Variants in AAK1 observed in about 807,000 individuals in gnomAD.
The protein encoded by AAK1 is AP2 associated kinase 1, also known as AP2-associated protein kinase 1.
AAK1 carries 37 observed loss-of-function variants against 116.0 expected under a neutral mutation model. The ratio of observed to expected loss-of-function variants is 0.32; its 90% confidence interval spans 0.25 to 0.42. The LOEUF is 0.42. Among genes scored for constraint, AAK1 ranks in the 10% least tolerant of loss-of-function variants. The pLI, the probability that AAK1 is intolerant of heterozygous loss-of-function variation, is 1.00. For missense variants in AAK1, 919 were observed against 1,170.6 expected (o/e 0.79, Z 3.14); for synonymous variants, 458 against 439.9 (o/e 1.04, Z -0.51).
Position 69,466,638 on chromosome 2 carries a change from T to G in AAK1, c.*9231A>C. The G allele has an allele frequency of 9.1e-7, 1 of 1,094,014 alleles. No individual in the cohort carries two copies. Among genetic ancestry groups the G allele is most frequent in the Non-Finnish European group, 1.1e-6 (1 of 891,808 alleles). The allele number at this position is 1,094,014 out of a possible 1,614,324, so 67.8% of individuals were successfully genotyped here. A position where few individuals can be genotyped will look rare whatever the true frequency, so the allele number is the denominator to read the frequency against. ...AATGGTCAACCCGCGGCAAAAACAT[T>G]GTGGGACCAAATAATAGATGTTGAA... On this transcript the variant is annotated 3_prime_UTR_variant, in exon 22 of 22. Coordinates refer to ENST00000409085, the MANE Select transcript of AAK1 (RefSeq NM_014911.5).
chr2:69,468,507 T>G lies in AAK1; in HGVS notation c.*7362A>C, dbSNP rs577258001. ...AAAACTACCTTGAAAGTTGATGTTA[T>G]TAAGCTTGTTCTGCAGGAGAGCAAA... On this transcript the variant is annotated 3_prime_UTR_variant, in exon 22 of 22. Coordinates refer to ENST00000409085, the MANE Select transcript of AAK1 (RefSeq NM_014911.5). The G allele has an allele frequency of 1.6e-4, 159 of 985,420 alleles. No individual in the cohort carries two copies. The South Asian group carries it at 6.7e-3, about 42-fold the overall frequency. 61.0% of individuals were successfully genotyped at this position (985,420 alleles called of 1,614,324 possible). A position where few individuals can be genotyped will look rare whatever the true frequency, so the allele number is the denominator to read the frequency against.
In AAK1 at chr2:69,462,357, T is replaced by C. The variant is rs972193756; in HGVS notation, c.*13512A>G. On this transcript the variant is annotated 3_prime_UTR_variant, in exon 22 of 22. Transcript: ENST00000409085. Reference sequence around the variant, plus strand: ...ACATTGTGCACATGTACCCTAAAACTTAAAGTATAATAATAATTTAAAAAA... The same window carrying C: ...ACATTGTGCACATGTACCCTAAAACCTAAAGTATAATAATAATTTAAAAAA... The C allele has an allele frequency of 1.3e-5, 2 of 151,348 alleles. No individual in the cohort carries two copies. The highest frequency in any genetic ancestry group is 4.9e-5 in the African/African-American group (2 of 41,088). The allele number at this position is 151,348 out of a possible 1,614,324, so 9.4% of individuals were successfully genotyped here.
intron 14 of AAK1, among the ~76,000 whole-genome samples, chr2:69,508,158 C>T (rs1676260807): frequency 6.6e-6 from 1 of 152,200 alleles, no homozygotes; most frequent in Non-Finnish European, 1.5e-5. Flanking sequence ...GTCTTATCTG[C>T]AAGTTGTTTC....
At chr2:69,583,914 C>A (rs1672650542) in intron 2 of AAK1, among the ~76,000 whole-genome samples, 1 of 152,188 alleles carries the variant, frequency 6.6e-6, no homozygotes, top group Admixed American at 6.5e-5. Flanking sequence ...TCACTCTTTC[C>A]CCTGAATGGA....
chr2:69,634,825 GTA>G (rs145586747), intron 2 of AAK1, among the ~76,000 whole-genome samples: 4,368 of 152,218 alleles, frequency 0.029, 203 homozygotes, highest in African/African-American at 0.1. Flanking sequence ...TTTTCTCTTA[GTA>G]AAGTTAAAGT....
At chr2:69,563,114 G>A (rs779118470) in intron 2 of AAK1, among the ~76,000 whole-genome samples, 25 of 152,122 alleles carry the variant, frequency 1.6e-4, no homozygotes, top group Non-Finnish European at 2.6e-4. Flanking sequence ...CCTTGGGGGC[G>A]TCACCATGAT....
chr2:69,642,934 C>G lies in AAK1; in HGVS notation c.107G>C (p.Gly36Ala), dbSNP rs764268391. The part of the protein sequence containing the change: ...STSGLGSGYI[G>A]RVFGIGRQQV... ...CTGTCGCCCGATGCCGAAGACTCTTCCGATGTAGCCACTGCCCAGGCCCGA... is the reference window on the plus strand; with the variant it reads ...CTGTCGCCCGATGCCGAAGACTCTTGCGATGTAGCCACTGCCCAGGCCCGA... Residue 36 changes from glycine to alanine, a missense_variant, in exon 2 of 22, where the codon GGA (glycine) becomes GCA (alanine). Gly to Ala is a moderately conservative substitution (Grantham distance 60). Coordinates refer to ENST00000409085, the MANE Select transcript of AAK1 (RefSeq NM_014911.5). The G allele has an allele frequency of 2.5e-6, 4 of 1,613,972 alleles. No homozygotes were observed. In the East Asian group the frequency reaches 6.7e-5, roughly 27 times the overall value.
Position 69,519,014 on chromosome 2 carries a change from C to T in AAK1, c.1437G>A (p.Pro479=), listed in dbSNP as rs759952329. The part of the protein sequence containing the change: ...LKQQQQQQQP[P]PAQQQPAGTF... ...TGCCTGCCGGCTGCTGCTGTGCTGG[C>T]GGTGGCTGTTGCTGCTGCTGTTGCT... The change falls in exon 12 of 22, where the codon CCG becomes CCA. Residue 479 remains proline (P), a synonymous_variant. Coordinates refer to ENST00000409085, the MANE Select transcript of AAK1 (RefSeq NM_014911.5). 3.2e-6 allele frequency: 5 copies of T among 1,549,818 alleles called. No individual in the cohort carries two copies. The highest frequency in any genetic ancestry group is 1.4e-5 in the African/African-American group (1 of 72,986).
chr2:69,590,489 G>A (rs1471791165), intron 2 of AAK1, among the ~76,000 whole-genome samples: 1 of 152,204 alleles, frequency 6.6e-6, no homozygotes, highest in Non-Finnish European at 1.5e-5. Context: ...CCTTCCTGGA[G>A]GACAGAGCCA....
chr2:69,636,860 C>T (rs989778752), intron 2 of AAK1, among the ~76,000 whole-genome samples: 10 of 152,130 alleles, frequency 6.6e-5, no homozygotes, highest in East Asian at 3.9e-4. Context: ...CCACCACGCC[C>T]GGCTAATTTT....
chr2:69,502,218 A>AT (rs1183669525), intron 16 of AAK1, among the ~76,000 whole-genome samples: 4 of 152,186 alleles, frequency 2.6e-5, no homozygotes, highest in African/African-American at 7.2e-5. Context: ...ACTGCAGATG[A>AT]TTTTCTAGGA....
intron 2 of AAK1, among the ~76,000 whole-genome samples, chr2:69,583,917 T>G (rs1218294520): frequency 6.6e-6 from 1 of 152,214 alleles, no homozygotes; most frequent in Non-Finnish European, 1.5e-5. Context: ...CTCTTTCCCC[T>G]GAATGGAAAA....
chr2:69,640,014 A>AC (rs1675632685), intron 2 of AAK1, among the ~76,000 whole-genome samples: 2 of 103,750 alleles, frequency 1.9e-5, no homozygotes, highest in Non-Finnish European at 3.8e-5. Context: ...ACTCCCCTTT[A>AC]ACACACACAC....
chr2:69,573,398 G>A (rs1466693068), intron 2 of AAK1, among the ~76,000 whole-genome samples: 1 of 152,182 alleles, frequency 6.6e-6, no homozygotes, highest in Admixed American at 6.5e-5. Flanking sequence ...AGAAGAACAG[G>A]GAATCCCACC....
At chr2:69,544,843 A>G (rs1242232648) in intron 3 of AAK1, among the ~76,000 whole-genome samples, 1 of 152,168 alleles carries the variant, frequency 6.6e-6, no homozygotes, top group Non-Finnish European at 1.5e-5. Flanking sequence ...AACTAGAAGC[A>G]AAGACTCCCC....
chr2:69,461,753 A>C lies in AAK1; in HGVS notation c.*14116T>G. 1 of 313,628 alleles carries C rather than the reference A, an allele frequency of 3.2e-6. No individual in the cohort carries two copies. The highest frequency in any genetic ancestry group is 2.3e-5 in the South Asian group (1 of 42,722). The allele number at this position is 313,628 out of a possible 1,614,324, so 19.4% of individuals were successfully genotyped here. On this transcript the variant is annotated 3_prime_UTR_variant, in exon 22 of 22. Coordinates refer to ENST00000409085, the MANE Select transcript of AAK1 (RefSeq NM_014911.5). ...ACTACAGGTGCGTGCCATCACGCCC[A>C]GCTACTTTTTGTATTTTTGGTAGAG...
At chr2:69,591,622 G>A (rs1243210425) in intron 2 of AAK1, among the ~76,000 whole-genome samples, 2 of 150,778 alleles carry the variant, frequency 1.3e-5, no homozygotes, top group African/African-American at 2.5e-5. Context: ...CCAGGCTGGA[G>A]TGCAGTGGCG....
chr2:69,643,368 G>A, intron 1 of AAK1, 94 bp from the exon 2 acceptor site: 2 of 1,195,532 alleles, frequency 1.7e-6, no homozygotes, highest in Non-Finnish European at 2.1e-6. Context: ...CATCATCCTG[G>A]GGAAACGCTT....
rs567813132 is a variant in AAK1, at chr2:69,581,637, T to A, written c.164-24659A>T. 2.5e-3 allele frequency among the ~76,000 whole-genome samples: 378 copies of A among 152,326 alleles called. 1 individual carries two copies. Among genetic ancestry groups the A allele is most frequent in the Middle Eastern group, 6.8e-3 (2 of 294 alleles). On this transcript the variant is annotated intron_variant, in intron 2 of 21. Coordinates refer to ENST00000409085, the MANE Select transcript of AAK1 (RefSeq NM_014911.5). Reference sequence around the variant, plus strand: ...GTAATTTAAAAATGTACATTTATGATAACAGGTTGAAAATTGACGCAAAAC... The same window carrying A: ...GTAATTTAAAAATGTACATTTATGAAAACAGGTTGAAAATTGACGCAAAAC...
Sources: gnomAD v4.1 joint callset for allele counts (sites outside exome capture counted in the v4.1 genomes callset) on GRCh38, gnomAD v4.1.1 for gene constraint, MANE v1.5 for transcripts, NCBI Gene and HGNC (gene_info 2026-07-23, HGNC 2026-07-21) for gene names.